The following CFAP20DC variants were observed in gnomAD, a reference collection of about 807,000 sequenced individuals.
The protein encoded by CFAP20DC is CFAP20 domain containing.
CFAP20DC carries 84 observed loss-of-function variants against 101.7 expected under a neutral mutation model. The ratio of observed to expected loss-of-function variants is 0.83; its 90% confidence interval spans 0.69 to 0.99. CFAP20DC has a LOEUF of 0.99. Among genes scored for constraint, CFAP20DC ranks in the 50% least tolerant of loss-of-function variants. CFAP20DC has a pLI of 0.00. For synonymous variants in CFAP20DC, 359 were observed against 351.2 expected, an observed-to-expected ratio of 1.02 and a Z score of -0.25; for missense variants, 1,007 against 970.3, an observed-to-expected ratio of 1.04 and a Z score of -0.50.
At chr3:59,040,063 T>C (rs567986383) in intron 3 of CFAP20DC, among the ~76,000 whole-genome samples, 2 of 152,048 alleles carry the variant, frequency 1.3e-5, no homozygotes, top group South Asian at 2.1e-4. Context: ...TAAAAAACAA[T>C]AGATCAAGAA....
intron 6 of CFAP20DC, among the ~76,000 whole-genome samples, chr3:58,904,304 A>C (rs898149006): frequency 6.6e-6 from 1 of 151,930 alleles, no homozygotes; most frequent in Non-Finnish European, 1.5e-5. Context: ...TATTTTATAA[A>C]TGTTTAATTT....
In CFAP20DC at chr3:58,799,304, CTG is replaced by C. The variant is rs1315555976; in HGVS notation, c.2237+7089_2237+7090del. On this transcript the variant is annotated intron_variant, in intron 15 of 16. Coordinates refer to ENST00000482387, the MANE Select transcript of CFAP20DC (RefSeq NM_001394063.1). This position sits in a 1 kb window ranked among gnomAD's most constrained non-coding sequence, Gnocchi z 4.9. ...AACACACTAATTCAATTTTAGAAAACTGTCTCTATTTAAAGGTGTAAAATGAT... is the reference window on the plus strand; with the variant it reads ...AACACACTAATTCAATTTTAGAAAACTCTCTATTTAAAGGTGTAAAATGAT... 1.3e-5 allele frequency among the ~76,000 whole-genome samples: 2 copies of C among 152,172 alleles called. No individual in the cohort carries two copies. Among genetic ancestry groups the C allele is most frequent in the Non-Finnish European group, 2.9e-5 (2 of 68,028 alleles).
chr3:58,963,339 G>A (rs1252596915), intron 4 of CFAP20DC, among the ~76,000 whole-genome samples: 1 of 151,536 alleles, frequency 6.6e-6, no homozygotes, highest in African/African-American at 2.4e-5. Flanking sequence ...TTGCTTTTTT[G>A]GAAGATAATT....
chr3:58,848,164 T>C (rs1405075335), intron 13 of CFAP20DC, among the ~76,000 whole-genome samples: 1 of 21,900 alleles, frequency 4.6e-5, no homozygotes, highest in African/African-American at 3.7e-4. Flanking sequence ...ACTTAAAGTA[T>C]AATTAAAAAA....
intron 4 of CFAP20DC, among the ~76,000 whole-genome samples, chr3:58,974,675 C>T (rs2092166917): frequency 6.6e-6 from 1 of 152,080 alleles, no homozygotes; most frequent in South Asian, 2.1e-4. Flanking sequence ...ATAGGCTGTA[C>T]AGGGGATTGG....
intron 4 of CFAP20DC, among the ~76,000 whole-genome samples, chr3:58,957,188 G>T (rs1235921867): frequency 6.6e-6 from 1 of 152,042 alleles, no homozygotes; most frequent in African/African-American, 2.4e-5. Flanking sequence ...TTAAAAATGG[G>T]TAAAAGATTT....
intron 15 of CFAP20DC, among the ~76,000 whole-genome samples, chr3:58,756,837 C>A (rs1462678615): frequency 4.1e-4 from 62 of 152,010 alleles, no homozygotes; most frequent in Non-Finnish European, 1.5e-5. Context: ...GTACTTTTAT[C>A]TTTTCAGCTT....
At chr3:58,789,225 A>G (rs2072643191) in intron 15 of CFAP20DC, among the ~76,000 whole-genome samples, 1 of 152,210 alleles carries the variant, frequency 6.6e-6, no homozygotes, top group Non-Finnish European at 1.5e-5. Flanking sequence ...AAAACTTTGC[A>G]GCCTTTTCTA....
At chr3:58,876,101 CTTTA>C (rs935386372) in intron 7 of CFAP20DC, among the ~76,000 whole-genome samples, 35 of 152,016 alleles carry the variant, frequency 2.3e-4, no homozygotes, top group African/African-American at 8.2e-4. Context: ...ATTTGGTACA[CTTTA>C]TTTTTCACAA....
At chr3:58,734,877 T>C (rs2067716056) in intron 3 of CFAP20DC, among the ~76,000 whole-genome samples, 2 of 152,136 alleles carry the variant, frequency 1.3e-5, no homozygotes, top group South Asian at 4.1e-4. Context: ...GAAGCAAGAT[T>C]TTAAATTCCT....
At position 58,914,429 on chromosome 3, in the gene CFAP20DC, C is replaced by A. The variant is rs1032908287; in HGVS notation, c.394-565G>T. On this transcript the variant is annotated intron_variant, in intron 5 of 16. Transcript: ENST00000482387. The surrounding 1 kb of genome is among the most constrained non-coding windows in gnomAD (Gnocchi z 4.9). ...AGTTTTTAAAGTACTCTTGCAGGGACTAATTTCTGCGCATTAAATAATTAG... is the reference window on the plus strand; with the variant it reads ...AGTTTTTAAAGTACTCTTGCAGGGAATAATTTCTGCGCATTAAATAATTAG... Among the ~76,000 whole-genome samples the A allele has an allele frequency of 3.9e-5, 6 of 151,924 alleles. No homozygotes were observed. The highest frequency in any genetic ancestry group is 1.2e-4 in the African/African-American group (5 of 41,350).
chr3:59,025,308 T>G (rs1376199472), intron 4 of CFAP20DC, among the ~76,000 whole-genome samples: 2 of 152,098 alleles, frequency 1.3e-5, no homozygotes, highest in African/African-American at 4.8e-5. Flanking sequence ...TCAAGGAGGC[T>G]CCCAAGGAAA....
At chr3:58,980,622 A>G (rs2092493507) in intron 4 of CFAP20DC, among the ~76,000 whole-genome samples, 1 of 152,252 alleles carries the variant, frequency 6.6e-6, no homozygotes, top group Non-Finnish European at 1.5e-5. Flanking sequence ...TTATCTCAAT[A>G]GATGCAGAAA....
rs535252957 is a variant in CFAP20DC at position 59,047,546 on chromosome 3, C to T, written c.22-292G>A. Among the ~76,000 whole-genome samples the T allele has an allele frequency of 8.5e-5, 13 of 152,278 alleles. No homozygotes were observed. The East Asian group carries it at 2.3e-3, about 27-fold the overall frequency. Reference sequence around the variant, plus strand: ...CTCAGTGGGGGACTCGTTTACTTGACACATACAGATCATTCTTGCAAAACA... The same window carrying T: ...CTCAGTGGGGGACTCGTTTACTTGATACATACAGATCATTCTTGCAAAACA... On this transcript the variant is annotated intron_variant, in intron 1 of 16. Transcript: ENST00000482387.
rs2082507261 is a variant in CFAP20DC at position 58,894,484 on chromosome 3, C to T, written c.551-9775G>A. On this transcript the variant is annotated intron_variant, in intron 6 of 16. Transcript: ENST00000482387. This position sits in a 1 kb window ranked among gnomAD's most constrained non-coding sequence, Gnocchi z 4.1. ...AAAGCTCCAAAATGATCTCCTTTGA[C>T]TCCATGTCTCACATTCAGGACACGC... Among the ~76,000 whole-genome samples, 1 of 152,242 alleles carries T rather than the reference C, an allele frequency of 6.6e-6. No homozygotes were observed. Among genetic ancestry groups the T allele is most frequent in the Non-Finnish European group, 1.5e-5 (1 of 68,050 alleles).
In CFAP20DC at chr3:58,971,892, C is replaced by CAA. The variant is rs2091972407; in HGVS notation, c.279-34132_279-34131dup. ...ACACACACACACACACACACACACA[C>CAA]AATTAAGCTCTAGAGGTACTCCCAA... On this transcript the variant is annotated intron_variant, in intron 4 of 16. Coordinates refer to ENST00000482387, the MANE Select transcript of CFAP20DC (RefSeq NM_001394063.1). The surrounding 1 kb of genome is among the most constrained non-coding windows in gnomAD (Gnocchi z 4.1). Among the ~76,000 whole-genome samples the CAA allele has an allele frequency of 2.7e-5, 4 of 150,820 alleles. No individual in the cohort carries two copies. The highest frequency in any genetic ancestry group is 4.9e-5 in the African/African-American group (2 of 40,762).
Position 58,807,813 on chromosome 3 carries a change from T to G in CFAP20DC, c.2176-1357A>C, listed in dbSNP as rs186124272. Reference sequence around the variant, plus strand: ...CCAAAGGCAAAGAAGTTAAAAACTTTGAAAAAAATTTAGAAGAATGTATAA... The same window carrying G: ...CCAAAGGCAAAGAAGTTAAAAACTTGGAAAAAAATTTAGAAGAATGTATAA... On this transcript the variant is annotated intron_variant, in intron 14 of 16. Coordinates refer to ENST00000482387, the MANE Select transcript of CFAP20DC (RefSeq NM_001394063.1). Among the ~76,000 whole-genome samples, 56 of 152,218 alleles carry G rather than the reference T, an allele frequency of 3.7e-4. No homozygotes were observed. The East Asian group carries it at 5.6e-3, about 15-fold the overall frequency.
intron 4 of CFAP20DC, among the ~76,000 whole-genome samples, chr3:58,986,860 A>G (rs905472753): frequency 1.3e-5 from 2 of 152,202 alleles, no homozygotes; most frequent in Non-Finnish European, 2.9e-5. Flanking sequence ...TAACTACACA[A>G]GGAAATGATA....
intron 4 of CFAP20DC, among the ~76,000 whole-genome samples, chr3:59,026,031 T>C (rs2093886286): frequency 6.6e-6 from 1 of 152,164 alleles, no homozygotes; most frequent in Admixed American, 6.5e-5. Context: ...AACTTCCACA[T>C]AAAACCTATT....
Sources: allele counts gnomAD v4.1 joint callset (sites outside exome capture counted in the v4.1 genomes callset), GRCh38; gene constraint gnomAD v4.1.1; non-coding constraint Gnocchi (gnomAD v3.1); transcripts MANE v1.5; gene names NCBI Gene and HGNC (gene_info 2026-07-23, HGNC 2026-07-21).